The following TBC1D1 variants were observed in gnomAD, a reference collection of about 807,000 sequenced individuals.
The protein encoded by TBC1D1 is TBC1 (tre-2/USP6, BUB2, cdc16) domain family, member 1.
In TBC1D1, 89 loss-of-function variants were observed where a neutral mutation model predicts 125.6. The ratio of observed to expected loss-of-function variants is 0.71; its 90% CI spans 0.60 to 0.85. The LOEUF (loss-of-function observed/expected upper bound fraction) is 0.85, where lower values mean the gene tolerates loss of function less well. Ranked by LOEUF, TBC1D1 falls within the 40% of genes least tolerant of loss-of-function variation. TBC1D1 has a pLI of 0.00. For missense variants in TBC1D1, 1,377 were observed against 1,469.2 expected, an observed-to-expected ratio of 0.94 and a Z score of 1.03; for synonymous variants, 565 against 564.1, an observed-to-expected ratio of 1.00 and a Z score of -0.02.
chr4:38,083,659 C>G (rs940002946), intron 12 of TBC1D1, among the ~76,000 whole-genome samples: 1 of 152,164 alleles, frequency 6.6e-6, no homozygotes, highest in Non-Finnish European at 1.5e-5. Context: ...ACTAAGGTGG[C>G]AAGTGATCAG....
At chr4:37,907,076 AT>A (rs1717502061) in intron 2 of TBC1D1, among the ~76,000 whole-genome samples, 1 of 152,208 alleles carries the variant, frequency 6.6e-6, no homozygotes, top group Admixed American at 6.5e-5. Context: ...AGAGTTTTAC[AT>A]TTTTTCAAAT....
At chr4:37,908,485 C>T (rs1314276369) in intron 2 of TBC1D1, among the ~76,000 whole-genome samples, 1 of 152,192 alleles carries the variant, frequency 6.6e-6, no homozygotes, top group Admixed American at 6.5e-5. Flanking sequence ...GGATTACAGA[C>T]ATGAGACACT....
chr4:37,904,780 A>G (rs1272915031), intron 2 of TBC1D1, among the ~76,000 whole-genome samples: 3 of 152,250 alleles, frequency 2.0e-5, no homozygotes, highest in Admixed American at 6.5e-5. Flanking sequence ...TAGTATAGGT[A>G]TATACCTCAA....
In TBC1D1 at chr4:38,056,380, C is replaced by A. The variant is rs377723931; in HGVS notation, c.2050+2042C>A. 2.0e-4 allele frequency among the ~76,000 whole-genome samples: 31 copies of A among 152,368 alleles called. 1 individual carries two copies. The East Asian group carries it at 4.0e-3, about 20-fold the overall frequency. ...CTCTGGCTCTGGCAGTGTGTTGCTC[C>A]TTCCGTTGACCTGCCACTGCTCTGT... is the stretch of plus-strand genomic sequence containing the variant. On this transcript the variant is annotated intron_variant, in intron 12 of 19. Transcript: ENST00000261439.
intron 2 of TBC1D1, among the ~76,000 whole-genome samples, chr4:37,945,551 A>AAAC (rs1726529845): frequency 5.0e-5 from 6 of 120,044 alleles, no homozygotes; most frequent in African/African-American, 2.0e-4. Flanking sequence ...AAAAAAAAAA[A>AAAC]GCCTAGAAGC....
At chr4:37,914,428 C>G (rs1719271552) in intron 2 of TBC1D1, among the ~76,000 whole-genome samples, 1 of 152,092 alleles carries the variant, frequency 6.6e-6, no homozygotes, top group Non-Finnish European at 1.5e-5. Context: ...TTCTCTTTTT[C>G]CATTATCCCT....
At chr4:38,081,994 G>A (rs1474462321) in intron 12 of TBC1D1, among the ~76,000 whole-genome samples, 10 of 152,126 alleles carry the variant, frequency 6.6e-5, no homozygotes, top group Admixed American at 3.9e-4. Context: ...TAGCTTATCC[G>A]TTGGTGGTGA....
At chr4:37,933,590 T>C (rs1203361299) in intron 2 of TBC1D1, among the ~76,000 whole-genome samples, 1 of 152,040 alleles carries the variant, frequency 6.6e-6, no homozygotes, top group African/African-American at 2.4e-5. Flanking sequence ...ATTTGTAAAC[T>C]GGGAAAAAAA....
Position 37,995,924 on chromosome 4 carries a change from C to T in TBC1D1, c.418-18585C>T. ...CAAGCAGCGACAGGACCTTCTCATT[C>T]CCAGGGAGAAATCCACACTCAAGGA... is the stretch of plus-strand genomic sequence containing the variant. On this transcript the variant is annotated intron_variant, in intron 2 of 19. Coordinates refer to ENST00000261439, the MANE Select transcript of TBC1D1 (RefSeq NM_015173.4). The surrounding 1 kb of genome is among the most constrained non-coding windows in gnomAD (Gnocchi z 4.3). 1.7e-6 allele frequency: 1 copy of T among 579,712 alleles called. No homozygotes were observed. Among genetic ancestry groups the T allele is most frequent in the Non-Finnish European group, 3.4e-6 (1 of 294,440 alleles). 35.9% of individuals were successfully genotyped at this position (579,712 alleles called of 1,614,324 possible).
At chr4:38,099,745 GT>G (rs1759982589) in intron 14 of TBC1D1, among the ~76,000 whole-genome samples, 1 of 152,138 alleles carries the variant, frequency 6.6e-6, no homozygotes, top group Non-Finnish European at 1.5e-5. Flanking sequence ...TTTCTCTTGG[GT>G]TAGGAGTGAA....
At chr4:38,109,113 C>T (rs1195009340) in intron 15 of TBC1D1, among the ~76,000 whole-genome samples, 1 of 152,188 alleles carries the variant, frequency 6.6e-6, no homozygotes, top group Non-Finnish European at 1.5e-5. Flanking sequence ...ACCTTCATGG[C>T]AAAAGACAGA....
intron 2 of TBC1D1, chr4:37,952,642 G>C (rs1422246677): frequency 6.5e-6 from 1 of 154,194 alleles, no homozygotes; most frequent in African/African-American, 2.4e-5. Flanking sequence ...GCGGGGTGAG[G>C]GGAGGGAGAG....
In TBC1D1 at chr4:38,052,712, ACGCGCGCGCGCG is replaced by A. The variant is rs58267781; in HGVS notation, c.1911-1481_1911-1470del. Among the ~76,000 whole-genome samples, 166 of 125,612 alleles carry A rather than the reference ACGCGCGCGCGCG, an allele frequency of 1.3e-3. 2 individuals carry two copies. Among genetic ancestry groups the A allele is most frequent in the African/African-American group, 4.5e-3 (142 of 31,364 alleles). The allele number at this position is 125,612 out of a possible 152,430, so 82.4% of individuals were successfully genotyped here. On this transcript the variant is annotated intron_variant, in intron 11 of 19. Transcript: ENST00000261439. The stretch of plus-strand genomic sequence containing the variant: ...TACATGCATGCGTATATACACACAC[ACGCGCGCGCGCG>A]CGCGCACACACACACACACACACAC...
intron 17 of TBC1D1, among the ~76,000 whole-genome samples, chr4:38,123,603 G>A (rs113007672): frequency 1.3e-5 from 2 of 152,346 alleles, no homozygotes; most frequent in South Asian, 2.1e-4. Flanking sequence ...TAAGAAGGAA[G>A]TGAAGGATTC....
chr4:38,103,352 A>G (rs772323610), intron 15 of TBC1D1, among the ~76,000 whole-genome samples, 195 bp downstream of exon 17: 2 of 152,216 alleles, frequency 1.3e-5, no homozygotes, highest in Non-Finnish European at 1.5e-5. Flanking sequence ...CTGTATTTTC[A>G]CTGGGGAGCT....
chr4:38,115,377 C>T (rs1184431630), intron 15 of TBC1D1, among the ~76,000 whole-genome samples: 1 of 152,222 alleles, frequency 6.6e-6, no homozygotes, highest in Non-Finnish European at 1.5e-5. Flanking sequence ...GCTGGGATTA[C>T]AGGCATGAGC....
intron 17 of TBC1D1, among the ~76,000 whole-genome samples, chr4:38,122,028 T>C (rs1023113779): frequency 3.7e-4 from 57 of 152,308 alleles, no homozygotes; most frequent in African/African-American, 1.3e-3. Context: ...TCTCCCGATT[T>C]AAGACCCCCT....
intron 7 of TBC1D1, among the ~76,000 whole-genome samples, chr4:38,029,658 C>T (rs945902388): frequency 2.0e-5 from 3 of 152,158 alleles, no homozygotes; most frequent in Non-Finnish European, 4.4e-5. Context: ...TGAGCCACCA[C>T]GCCTGGCCGT....
At chr4:38,067,727 A>G (rs1296992671) in intron 12 of TBC1D1, among the ~76,000 whole-genome samples, 1 of 152,180 alleles carries the variant, frequency 6.6e-6, no homozygotes, top group Non-Finnish European at 1.5e-5. Flanking sequence ...TTTCCCTAAC[A>G]CCGAAGGCTC....
Sources: allele counts gnomAD v4.1 joint callset (sites outside exome capture counted in the v4.1 genomes callset), GRCh38; gene constraint gnomAD v4.1.1; non-coding constraint Gnocchi (gnomAD v3.1); transcripts MANE v1.5; gene names NCBI Gene and HGNC (gene_info 2026-07-23, HGNC 2026-07-21).